RALGPS2: variants seen among roughly 807,000 people sequenced by gnomAD.
The protein encoded by RALGPS2 is Ral GEF with PH domain and SH3 binding motif 2.
RALGPS2 carries 43 observed loss-of-function variants against 86.8 expected under a neutral mutation model. That is an observed-to-expected ratio of 0.50 (90% confidence interval 0.39 to 0.64). The LOEUF is 0.64. Ranked by LOEUF, RALGPS2 falls within the 30% of genes least tolerant of loss-of-function variation. The pLI, the probability that RALGPS2 is intolerant of heterozygous loss-of-function variation, is 0.00. For missense variants in RALGPS2, 536 were observed against 694.6 expected (o/e 0.77, Z 2.57); for synonymous variants, 243 against 231.3 (o/e 1.05, Z -0.46).
chr1:178,790,718 A>C (rs2102143892), intron 4 of RALGPS2, among the ~76,000 whole-genome samples: 1 of 152,330 alleles, frequency 6.6e-6, no homozygotes, highest in East Asian at 1.9e-4. Context: ...GAGCATCTTT[A>C]AATTTTTAAT....
At chr1:178,908,181 T>G (rs2102414751) in intron 19 of RALGPS2, among the ~76,000 whole-genome samples, 1 of 152,232 alleles carries the variant, frequency 6.6e-6, no homozygotes, top group Non-Finnish European at 1.5e-5. Context: ...AGTGAGAACA[T>G]GCAGTATTTG....
At chr1:178,904,474 AT>A (rs1660311019) in intron 18 of RALGPS2, among the ~76,000 whole-genome samples, 1 of 152,160 alleles carries the variant, frequency 6.6e-6, no homozygotes, top group Non-Finnish European at 1.5e-5. Flanking sequence ...TAGAATTTTT[AT>A]AGTTTCAGGT....
chr1:178,831,060 A>G (rs1655994562), intron 7 of RALGPS2, among the ~76,000 whole-genome samples: 1 of 152,242 alleles, frequency 6.6e-6, no homozygotes, highest in Non-Finnish European at 1.5e-5. Context: ...CCAAAGACTA[A>G]AAATGAAATA....
chr1:178,909,115 T>C (rs1224459348), intron 19 of RALGPS2, among the ~76,000 whole-genome samples: 1 of 152,256 alleles, frequency 6.6e-6, no homozygotes, highest in South Asian at 2.1e-4. Flanking sequence ...TTTAATCTTC[T>C]GTATATGGCT....
chr1:178,859,427 C>T (rs1327575216), intron 8 of RALGPS2, among the ~76,000 whole-genome samples: 5 of 116,988 alleles, frequency 4.3e-5, no homozygotes, highest in Non-Finnish European at 8.3e-5. Flanking sequence ...TTTTTTGAGA[C>T]GGAGTCTCGC....
intron 9 of RALGPS2, among the ~76,000 whole-genome samples, chr1:178,878,429 C>G (rs563841526): frequency 7.6e-4 from 115 of 152,072 alleles, no homozygotes; most frequent in Non-Finnish European, 1.4e-3. Flanking sequence ...GAGATAGAAT[C>G]TTACTGAAAG....
chr1:178,883,421 A>G, intron 10 of RALGPS2, 45 bp from the exon 11 acceptor site: 2 of 1,392,902 alleles, frequency 1.4e-6, no homozygotes, highest in Non-Finnish European at 2.0e-6. Context: ...TATTTTGTCA[A>G]ATGTTAATTA....
At chr1:178,880,736 A>G (rs1343660357) in intron 10 of RALGPS2, among the ~76,000 whole-genome samples, 1 of 152,220 alleles carries the variant, frequency 6.6e-6, no homozygotes, top group Non-Finnish European at 1.5e-5. Flanking sequence ...AAAAGAATTT[A>G]AAGTTTATTA....
chr1:178,884,525 C>G (rs1442389076), intron 11 of RALGPS2, among the ~76,000 whole-genome samples: 1 of 151,930 alleles, frequency 6.6e-6, no homozygotes, highest in Non-Finnish European at 1.5e-5. Flanking sequence ...ATATTCCAAG[C>G]AGAAAAAACA....
chr1:178,846,744 C>T (rs952994888), intron 8 of RALGPS2, among the ~76,000 whole-genome samples: 6 of 152,194 alleles, frequency 3.9e-5, no homozygotes, highest in Non-Finnish European at 7.3e-5. Context: ...GAATCAGATT[C>T]CCCTAACAAC....
In RALGPS2 at chr1:178,920,605, AG is replaced by A. The variant is rs1647268131; in HGVS notation, c.*4248del. The A allele has an allele frequency of 6.6e-6, 1 of 151,988 alleles. No homozygotes were observed. Among genetic ancestry groups the A allele is most frequent in the Non-Finnish European group, 1.5e-5 (1 of 67,912 alleles). The allele number at this position is 151,988 out of a possible 1,614,324, so 9.4% of individuals were successfully genotyped here. A position where few individuals can be genotyped will look rare whatever the true frequency, so the allele number is the denominator to read the frequency against. ...TACCCTGCTTCTATCCTTTTAGAGT[AG>A]GAGATTAAAAATAAACCCACCCCAG... On this transcript the variant is annotated 3_prime_UTR_variant, in exon 20 of 20. Transcript: ENST00000367635.
chr1:178,731,324 C>T (rs572143342), intron 1 of RALGPS2, among the ~76,000 whole-genome samples: 1 of 125,948 alleles, frequency 7.9e-6, no homozygotes, highest in African/African-American at 3.0e-5. Flanking sequence ...CCTCTGTCCC[C>T]CAGGCTGGAG....
intron 1 of RALGPS2, among the ~76,000 whole-genome samples, chr1:178,757,557 TTTTA>T (rs1189065611): frequency 6.6e-6 from 1 of 152,202 alleles, no homozygotes; most frequent in Non-Finnish European, 1.5e-5. Flanking sequence ...ATCATAGGGT[TTTTA>T]TTTTTAATTC....
At chr1:178,857,627 A>G (rs747909091) in intron 8 of RALGPS2, among the ~76,000 whole-genome samples, 8 of 152,126 alleles carry the variant, frequency 5.3e-5, no homozygotes, top group Non-Finnish European at 1.0e-4. Context: ...GTTACAACAT[A>G]TATATATTTA....
In RALGPS2 at chr1:178,877,633, A is replaced by T; in HGVS notation, c.743A>T (p.Tyr248Phe). 1 of 1,612,854 alleles carries T rather than the reference A, an allele frequency of 6.2e-7. No homozygotes were observed. Among genetic ancestry groups the T allele is most frequent in the Non-Finnish European group, 8.5e-7 (1 of 1,179,202 alleles). ...IISDLQQSCE[Y>F]DIPMLPHVQK... ...TCTGATTTACAGCAGTCTTGTGAATATGGTAAGTTTCTAGGGGATAATGCC... is the reference window on the plus strand; with the variant it reads ...TCTGATTTACAGCAGTCTTGTGAATTTGGTAAGTTTCTAGGGGATAATGCC... Residue 248 changes from tyrosine to phenylalanine, a missense_variant and splice_region_variant, in exon 9 of 20, where the codon TAT becomes TTT. Tyr to Phe is a conservative substitution (Grantham distance 22). Coordinates refer to ENST00000367635, the MANE Select transcript of RALGPS2 (RefSeq NM_152663.5).
intron 6 of RALGPS2, among the ~76,000 whole-genome samples, chr1:178,811,823 T>C (rs750254016): frequency 6.6e-6 from 1 of 152,190 alleles, no homozygotes; most frequent in Non-Finnish European, 1.5e-5. Context: ...ATGGTATATG[T>C]GATATTACCA....
intron 1 of RALGPS2, among the ~76,000 whole-genome samples, chr1:178,752,523 G>C (rs761696467): frequency 6.6e-6 from 1 of 152,002 alleles, no homozygotes; most frequent in Non-Finnish European, 1.5e-5. Context: ...GGTGATCAAA[G>C]AGAAGCAAAA....
intron 1 of RALGPS2, among the ~76,000 whole-genome samples, chr1:178,729,460 G>A (rs1650213251): frequency 6.6e-6 from 1 of 152,118 alleles, no homozygotes; most frequent in Non-Finnish European, 1.5e-5. Context: ...GTTATTAAGT[G>A]ATCAAAGGAC....
chr1:178,886,055 T>C lies in RALGPS2; in HGVS notation c.1127T>C (p.Met376Thr). 1 of 1,613,860 alleles carries C rather than the reference T, an allele frequency of 6.2e-7. No homozygotes were observed. The highest frequency in any genetic ancestry group is 8.5e-7 in the Non-Finnish European group (1 of 1,179,866). The change falls in exon 13 of 20, where the codon ATG (methionine) becomes ACG (threonine). Residue 376 changes from methionine (M) to threonine (T), a missense_variant. Physicochemically the swap from Met to Thr is moderately conservative, Grantham distance 81. Coordinates refer to ENST00000367635, the MANE Select transcript of RALGPS2 (RefSeq NM_152663.5). ...GPRHLLDDSV[M>T]EPHAPSRGQA... ...AGACATCTGTTAGATGATAGCGTCA[T>C]GGAGCCCCATGCGCCATCTCGAGGC...
Sources: gnomAD v4.1 joint callset for allele counts (sites outside exome capture counted in the v4.1 genomes callset) on GRCh38, gnomAD v4.1.1 for gene constraint, MANE v1.5 for transcripts, NCBI Gene and HGNC (gene_info 2026-07-23, HGNC 2026-07-21) for gene names.